Variants in YWHAZ observed in about 807,000 individuals in gnomAD.
The protein encoded by YWHAZ is tyrosine 3-monooxygenase/tryptophan 5-monooxygenase activation protein zeta.
For missense variants in YWHAZ, 79 were observed against 284.8 expected (o/e 0.28, Z 5.20); for synonymous variants, 87 against 103.6 (o/e 0.84, Z 0.97).
intron 2 of YWHAZ, among the ~76,000 whole-genome samples, chr8:100,944,254 G>A (rs1454742815): frequency 6.6e-6 from 1 of 152,042 alleles, no homozygotes; most frequent in Non-Finnish European, 1.5e-5. Context: ...AAAGCCCAAG[G>A]CACGTAATAA....
At chr8:100,951,908 G>A (rs1810818503) in intron 1 of YWHAZ, 21 bp downstream of exon 1, 2 of 993,828 alleles carry the variant, frequency 2.0e-6, no homozygotes, top group African/African-American at 1.7e-5. Flanking sequence ...AGCGAGGCGC[G>A]GCGGCGGCCG....
Position 100,922,657 on chromosome 8 carries a change from T to G in YWHAZ, c.678+1298A>C, listed in dbSNP as rs1056518357. Reference sequence around the variant, plus strand: ...CCTCGGCCTCCCAAAGTGCTGGGATTACAGGCGTGAGCCACCACGCCCGGC... The same window carrying G: ...CCTCGGCCTCCCAAAGTGCTGGGATGACAGGCGTGAGCCACCACGCCCGGC... On this transcript the variant is annotated intron_variant, in intron 5 of 5. Coordinates refer to ENST00000395958, the MANE Select transcript of YWHAZ (RefSeq NM_145690.3). The surrounding 1 kb of genome is among the most constrained non-coding windows in gnomAD (Gnocchi z 4.1). 1.3e-5 allele frequency: 2 copies of G among 152,408 alleles called. No individual in the cohort carries two copies. The highest frequency in any genetic ancestry group is 4.8e-5 in the African/African-American group (2 of 41,452). The allele number at this position is 152,408 out of a possible 1,614,324, so 9.4% of individuals were successfully genotyped here.
chr8:100,952,178 C>G, upstream of YWHAZ: 1 of 984,380 alleles, frequency 1.0e-6, no homozygotes, highest in South Asian at 4.7e-5. Context: ...CCCGCGTAAC[C>G]GCCGCTCCCC....
At chr8:100,929,008 A>G (rs1034912888) in intron 2 of YWHAZ, among the ~76,000 whole-genome samples, 27 of 152,350 alleles carry the variant, frequency 1.8e-4, no homozygotes, top group African/African-American at 6.3e-4. Flanking sequence ...AAGGTAAAAC[A>G]GGAAACTAAA....
chr8:100,924,927 T>C lies in YWHAZ; in HGVS notation c.407A>G (p.Asp136Gly). ...TAAAAACAGCATACCTTTCTTGTCA[T>C]CACCAGCGGCAACCTCAGCCAAGTA... ...YRYLAEVAAG[D>G]DKKGIVDQSQ... Residue 136 changes from aspartate (D) to glycine (G), a missense_variant, in exon 3 of 6, where the codon GAT becomes GGT. Asp to Gly is a moderately conservative substitution (Grantham distance 94). Transcript: ENST00000395958. The surrounding 1 kb of genome is among the most constrained non-coding windows in gnomAD (Gnocchi z 5.7). 1 of 1,612,564 alleles carries C rather than the reference T, an allele frequency of 6.2e-7. No homozygotes were observed. The highest frequency in any genetic ancestry group is 8.5e-7 in the Non-Finnish European group (1 of 1,179,820).
chr8:100,925,466 G>A (rs1300784968), intron 2 of YWHAZ, among the ~76,000 whole-genome samples: 6 of 152,102 alleles, frequency 3.9e-5, no homozygotes, highest in Admixed American at 1.3e-4. Context: ...AATGACTAAA[G>A]CAGAAACCAA....
chr8:100,945,829 C>T (rs1198276996), intron 2 of YWHAZ, among the ~76,000 whole-genome samples: 2 of 151,912 alleles, frequency 1.3e-5, no homozygotes, highest in Non-Finnish European at 2.9e-5. Context: ...GGAAATTTTG[C>T]AGTGCTGCTG....
intron 2 of YWHAZ, among the ~76,000 whole-genome samples, chr8:100,926,059 G>C (rs1321086381): frequency 6.6e-6 from 1 of 151,194 alleles, no homozygotes; most frequent in Non-Finnish European, 1.5e-5. Context: ...CAAAAAAAAA[G>C]TATTAGTTTA....
intron 1 of YWHAZ, chr8:100,951,667 G>C: frequency 1.0e-6 from 1 of 985,270 alleles, no homozygotes; most frequent in Non-Finnish European, 1.2e-6. Context: ...ACCCACCCCC[G>C]GGGGCAGGAC....
At chr8:100,939,977 C>T (rs979266403) in intron 2 of YWHAZ, among the ~76,000 whole-genome samples, 6 of 151,028 alleles carry the variant, frequency 4.0e-5, no homozygotes, top group South Asian at 2.1e-4. Flanking sequence ...GAGCCGAGAT[C>T]GCGCCACTGC....
intron 2 of YWHAZ, 106 bp from the exon 3 acceptor site, chr8:100,925,145 C>T (rs1358100113): frequency 6.4e-5 from 78 of 1,215,596 alleles, no homozygotes; most frequent in Non-Finnish European, 7.9e-5. Flanking sequence ...AAAACTTAAA[C>T]ACCCAGTCAC....
chr8:100,951,067 A>T, intron 1 of YWHAZ: 4 of 237,424 alleles, frequency 1.7e-5, no homozygotes, highest in Non-Finnish European at 1.9e-5. Context: ...GTTCACAAGG[A>T]GCAAAAAAAG....
chr8:100,927,597 T>G (rs1391897810), intron 2 of YWHAZ, among the ~76,000 whole-genome samples: 1 of 152,200 alleles, frequency 6.6e-6, no homozygotes. Context: ...TATGCAGAGA[T>G]GAAGGCCATA....
rs1417316114 is a variant in YWHAZ at position 100,918,443 on chromosome 8, T to TATAA, written c.*2249_*2250insTTAT. 8.0e-4 allele frequency: 94 copies of TATAA among 117,030 alleles called. 1 individual carries two copies. The highest frequency in any genetic ancestry group is 2.7e-3 in the African/African-American group (80 of 29,640). The allele number at this position is 117,030 out of a possible 1,614,324, so 7.2% of individuals were successfully genotyped here. On this transcript the variant is annotated 3_prime_UTR_variant, in exon 6 of 6. Coordinates refer to ENST00000395958, the MANE Select transcript of YWHAZ (RefSeq NM_145690.3). ...ATATATATATATATATATATATATA[T>TATAA]AATTATTTTACCTCCTTGGCTTGGG... is the stretch of plus-strand genomic sequence containing the variant.
chr8:100,936,805 AAAAC>A (rs943654391), intron 2 of YWHAZ, among the ~76,000 whole-genome samples: 1 of 152,152 alleles, frequency 6.6e-6, no homozygotes, highest in Non-Finnish European at 1.5e-5. Context: ...ACTCCATCTC[AAAAC>A]AAACAAACAA....
chr8:100,939,619 A>G (rs2130275822), intron 2 of YWHAZ, among the ~76,000 whole-genome samples: 1 of 152,152 alleles, frequency 6.6e-6, no homozygotes, highest in African/African-American at 2.4e-5. Flanking sequence ...AGATCACGCC[A>G]TTGCACTCCA....
chr8:100,949,270 C>A (rs1810528601), intron 1 of YWHAZ, among the ~76,000 whole-genome samples: 1 of 152,180 alleles, frequency 6.6e-6, no homozygotes, highest in Non-Finnish European at 1.5e-5. Flanking sequence ...CAAAATTAAG[C>A]AGCTTTTCTT....
intron 1 of YWHAZ, chr8:100,951,132 G>A (rs1030282303): frequency 6.1e-6 from 6 of 980,878 alleles, no homozygotes; most frequent in Non-Finnish European, 6.0e-6. Context: ...TCCCACCGCG[G>A]AGCCCAGGAA....
intron 5 of YWHAZ, among the ~76,000 whole-genome samples, chr8:100,921,718 G>T (rs1223177192): frequency 6.6e-6 from 1 of 152,124 alleles, no homozygotes; most frequent in Non-Finnish European, 1.5e-5. Flanking sequence ...ATAAATGCTG[G>T]ACAAAAACCA....
Sources: gnomAD v4.1 joint callset for allele counts (sites outside exome capture counted in the v4.1 genomes callset) on GRCh38, gnomAD v4.1.1 for gene constraint, Gnocchi (gnomAD v3.1) non-coding constraint, MANE v1.5 for transcripts, NCBI Gene and HGNC (gene_info 2026-07-23, HGNC 2026-07-21) for gene names.